MAP4K2: variants seen among roughly 807,000 people sequenced by gnomAD.
MAP4K2 encodes the protein B lymphocyte serine/threonine protein kinase.
Under a neutral mutation model 125.3 loss-of-function variants are expected in MAP4K2, and 85 were observed. The observed-to-expected ratio is 0.68, with a 90% CI of 0.57 to 0.81. The LOEUF (loss-of-function observed/expected upper bound fraction) is 0.81. MAP4K2 is among the 40% of genes least tolerant of loss of function. The pLI is 0.00. For synonymous variants in MAP4K2, 479 were observed against 445.1 expected, an observed-to-expected ratio of 1.08 and a Z score of -0.96; for missense variants, 923 against 1,056.4, an observed-to-expected ratio of 0.87 and a Z score of 1.75.
In MAP4K2 at chr11:64,792,349, C is replaced by CCCCCCCCAAAAATAA; in HGVS notation, c.1810+14_1810+15insTTATTTTTGGGGGGG. On this transcript the variant is annotated intron_variant, in intron 25 of 31. Transcript: ENST00000294066. ...CCACCAGGCCCCGCCCCACCCCGCC[C>CCCCCCCCAAAAATAA]AGCCCATTTCTTACCCACACGACAC... 6.5e-7 allele frequency: 1 copy of CCCCCCCCAAAAATAA among 1,545,320 alleles called. No individual in the cohort carries two copies. Among genetic ancestry groups the CCCCCCCCAAAAATAA allele is most frequent in the Non-Finnish European group, 8.8e-7 (1 of 1,138,636 alleles).
intron 15 of MAP4K2, 151 bp from the exon 16 acceptor site, chr11:64,797,815 C>G: frequency 1.4e-6 from 1 of 740,576 alleles, no homozygotes; most frequent in Non-Finnish European, 2.1e-6. Flanking sequence ...ACGCCATTCT[C>G]CTGCCTCAGC....
At chr11:64,797,728 CGGAGTCTCG>C in intron 15 of MAP4K2, 64 bp from the exon 16 acceptor site, 1 of 1,104,296 alleles carries the variant, frequency 9.1e-7, no homozygotes, top group Non-Finnish European at 1.2e-6. Context: ...TTTTTTGAGA[CGGAGTCTCG>C]CTCTGTCACC....
chr11:64,793,734 T>C (rs1940632145), intron 24 of MAP4K2, among the ~76,000 whole-genome samples: 1 of 152,218 alleles, frequency 6.6e-6, no homozygotes, highest in Non-Finnish European at 1.5e-5. Flanking sequence ...CAAAAGCATA[T>C]ATTTTGTATT....
At position 64,801,604 on chromosome 11, in the gene MAP4K2, G is replaced by A. The variant is rs1316909763; in HGVS notation, c.432C>T (p.Leu144=). The A allele has an allele frequency of 1.9e-6, 3 of 1,614,014 alleles. No homozygotes were observed. The South Asian group carries it at 3.3e-5, about 18-fold the overall frequency. ...HRDIKGANLL[L]TLQGDVKLAD... ...CCAGTTTGACATCTCCCTGGAGAGT[G>A]AGGAGAAGGTTGGCTCCCTGTGGGA... is the stretch of plus-strand genomic sequence containing the variant. The change falls in exon 7 of 32, where the codon CTC becomes CTT. Residue 144 remains leucine (L), a synonymous_variant. Transcript: ENST00000294066.
chr11:64,798,811 TC>T lies in MAP4K2; in HGVS notation c.1079del (p.Gly360GlufsTer5). On this transcript the variant is annotated frameshift_variant, in exon 15 of 32. Coordinates refer to ENST00000294066, the MANE Select transcript of MAP4K2 (RefSeq NM_004579.5). LOFTEE classifies it high-confidence loss of function. The part of the protein sequence containing the change: ...EPWEEEWTLL[G>X]KEELSGSLLQ... ...TCACTTACCCACTCAACTCTTCCTT[TC>T]CCAGTAGTGTCCACTCTTCCTCCCA... is the stretch of plus-strand genomic sequence containing the variant. 1 of 1,609,862 alleles carries T rather than the reference TC, an allele frequency of 6.2e-7. No homozygotes were observed. Among genetic ancestry groups the T allele is most frequent in the Non-Finnish European group, 8.5e-7 (1 of 1,177,976 alleles).
chr11:64,799,359 T>G (rs1941019216), intron 14 of MAP4K2, 62 bp downstream of exon 14: 1 of 1,589,958 alleles, frequency 6.3e-7, no homozygotes, highest in African/African-American at 1.4e-5. Context: ...CTGCTCGGCC[T>G]CCATCCGACC....
rs1333329832 is a variant in MAP4K2, at chr11:64,789,338, C to G, written c.*199G>C. The G allele has an allele frequency of 6.8e-6, 4 of 587,316 alleles. No individual in the cohort carries two copies. Among genetic ancestry groups the G allele is most frequent in the African/African-American group, 5.6e-5 (3 of 53,452 alleles). The allele number at this position is 587,316 out of a possible 1,614,324, so 36.4% of individuals were successfully genotyped here. A position where few individuals can be genotyped will look rare whatever the true frequency, so the allele number is the denominator to read the frequency against. On this transcript the variant is annotated 3_prime_UTR_variant, in exon 32 of 32. Coordinates refer to ENST00000294066, the MANE Select transcript of MAP4K2 (RefSeq NM_004579.5). ...GATGGGGGAGTGACAGCAGCTCCCC[C>G]TGGTCCAGTTATTGCAGAGGCGTCG...
chr11:64,792,329 A>G, intron 25 of MAP4K2, 35 bp downstream of exon 25: 2 of 1,504,042 alleles, frequency 1.3e-6, no homozygotes, highest in Non-Finnish European at 1.8e-6. Flanking sequence ...GCCCCCCACC[A>G]GGCCCCGCCC....
intron 17 of MAP4K2, 53 bp downstream of exon 17, chr11:64,797,448 C>A: frequency 6.4e-7 from 1 of 1,557,458 alleles, no homozygotes; most frequent in South Asian, 1.2e-5. Flanking sequence ...CCACTCCAAT[C>A]GTACCCTCTG....
Position 64,800,332 on chromosome 11 carries a change from C to T in MAP4K2, c.786G>A (p.Pro262=), listed in dbSNP as rs764896043. The T allele has an allele frequency of 5.6e-6, 9 of 1,614,108 alleles. No homozygotes were observed. In the East Asian group the frequency reaches 1.1e-4, roughly 20 times the overall value. The change falls in exon 11 of 32, where the codon CCG becomes CCA. Residue 262 remains proline, a synonymous_variant. Transcript: ENST00000294066. ...LALTKNPKKR[P]TAEKLLQHPF... Reference sequence around the variant, plus strand: ...CCACCTGCAGGAGCTTCTCTGCTGTCGGCCTCTTCTTAGGATTCTTGGTCA... The same window carrying T: ...CCACCTGCAGGAGCTTCTCTGCTGTTGGCCTCTTCTTAGGATTCTTGGTCA...
At chr11:64,793,027 A>C (rs1396979063) in intron 24 of MAP4K2, among the ~76,000 whole-genome samples, 1 of 151,884 alleles carries the variant, frequency 6.6e-6, no homozygotes, top group Non-Finnish European at 1.5e-5. Flanking sequence ...GACCAGCCTG[A>C]CCAACATAGA....
chr11:64,801,460 A>T, intron 7 of MAP4K2, 119 bp downstream of exon 7: 1 of 1,177,320 alleles, frequency 8.5e-7, no homozygotes, highest in Non-Finnish European at 1.2e-6. Flanking sequence ...TCTTCTAAGC[A>T]GGGAAACTGA....
At position 64,797,333 on chromosome 11, in the gene MAP4K2, C is replaced by T. The variant is rs764452056; in HGVS notation, c.1218G>A (p.Pro406=). ...GGTCAGTGGGGAGTGGCCCTAGGAA[C>T]GGGGCCCGCTTGATGGTTCCCATGG... ...DDTMGTIKRA[P]FLGPLPTDPP... Residue 406 remains proline, a synonymous_variant, in exon 18 of 32, where the codon CCG becomes CCA. Coordinates refer to ENST00000294066, the MANE Select transcript of MAP4K2 (RefSeq NM_004579.5). 9 of 1,600,366 alleles carry T rather than the reference C, an allele frequency of 5.6e-6. No homozygotes were observed. The highest frequency in any genetic ancestry group is 4.5e-5 in the East Asian group (2 of 44,306).
In MAP4K2 at chr11:64,791,934, C is replaced by G. The variant is rs751293063; in HGVS notation, c.2067G>C (p.Leu689=). 3 of 1,599,150 alleles carry G rather than the reference C, an allele frequency of 1.9e-6. No individual in the cohort carries two copies. Among genetic ancestry groups the G allele is most frequent in the Non-Finnish European group, 2.6e-6 (3 of 1,172,104 alleles). Reference sequence around the variant, plus strand: ...CAGGTGGGATGAGGATGTCGGGCGTCAGGCCAGCCTCCAGGGGCAGGACAT... The same window carrying G: ...CAGGTGGGATGAGGATGTCGGGCGTGAGGCCAGCCTCCAGGGGCAGGACAT... ...LFHVLPLEAG[L]TPDILIPPEG... is the part of the protein sequence containing the mutation. Residue 689 remains leucine (L), a synonymous_variant, in exon 27 of 32, where the codon CTG becomes CTC. Coordinates refer to ENST00000294066, the MANE Select transcript of MAP4K2 (RefSeq NM_004579.5).
rs1415650029 is a variant in MAP4K2, at chr11:64,797,489, T to A, written c.1170+12A>T. 1 of 1,562,216 alleles carries A rather than the reference T, an allele frequency of 6.4e-7. No homozygotes were observed. Among genetic ancestry groups the A allele is most frequent in the Admixed American group, 1.9e-5 (1 of 52,096 alleles). On this transcript the variant is annotated intron_variant, in intron 17 of 31. Transcript: ENST00000294066. ...GCCTGGATCCCAGCTCCAGCCTCCCTCTGTGTGGCACCTGGAATTCTGAGG... is the reference window on the plus strand; with the variant it reads ...GCCTGGATCCCAGCTCCAGCCTCCCACTGTGTGGCACCTGGAATTCTGAGG...
chr11:64,799,742 T>C, intron 12 of MAP4K2, 59 bp from the exon 13 acceptor site: 1 of 1,413,742 alleles, frequency 7.1e-7, no homozygotes, highest in Non-Finnish European at 9.9e-7. Flanking sequence ...CCGGGGCTGC[T>C]CTAGGAGCTT....
At position 64,800,108 on chromosome 11, in the gene MAP4K2, C is replaced by T; in HGVS notation, c.915+1G>A. 6.2e-7 allele frequency: 1 copy of T among 1,600,292 alleles called. No individual in the cohort carries two copies. Among genetic ancestry groups the T allele is most frequent in the Non-Finnish European group, 8.5e-7 (1 of 1,173,714 alleles). On this transcript the variant is annotated splice_donor_variant, in intron 12 of 31. Transcript: ENST00000294066. LOFTEE classifies it high-confidence loss of function. ...CTCACTTTCCAGCCCCCCTCACCTA[C>T]CTCCAGCTCACAGTCCTCAGGGGAG...
chr11:64,802,971 G>C, intron 1 of MAP4K2, 29 bp from the exon 2 acceptor site: 1 of 1,559,784 alleles, frequency 6.4e-7, no homozygotes, highest in Non-Finnish European at 8.7e-7. Context: ...AAGCGGGATG[G>C]GGGGCGGGGC....
Position 64,795,786 on chromosome 11 carries a change from G to A in MAP4K2, c.1751+487C>T, listed in dbSNP as rs583901. 8.6e-3 allele frequency among the ~76,000 whole-genome samples: 1,308 copies of A among 152,112 alleles called. 18 individuals are homozygous for A. The highest frequency in any genetic ancestry group is 0.028 in the African/African-American group (1,171 of 41,488). ...TGGCCTCACACAATCCTTCTGCCTCGGATTACAGGATTGGGATTACAGGCA... is the reference window on the plus strand; with the variant it reads ...TGGCCTCACACAATCCTTCTGCCTCAGATTACAGGATTGGGATTACAGGCA... On this transcript the variant is annotated intron_variant, in intron 24 of 31. Coordinates refer to ENST00000294066, the MANE Select transcript of MAP4K2 (RefSeq NM_004579.5).
Sources: allele counts gnomAD v4.1 joint callset (sites outside exome capture counted in the v4.1 genomes callset), GRCh38; gene constraint gnomAD v4.1.1; transcripts MANE v1.5; gene names NCBI Gene and HGNC (gene_info 2026-07-23, HGNC 2026-07-21).